The following BIN1 variants were observed in gnomAD, a reference collection of about 807,000 sequenced individuals.
BIN1 encodes myc box-dependent-interacting protein 1.
A neutral mutation model predicts 82.0 loss-of-function variants in BIN1; 53 were observed. That is an observed-to-expected ratio of 0.65 (90% confidence interval 0.52 to 0.81). The LOEUF (loss-of-function observed/expected upper bound fraction) is 0.81, where lower values mean the gene tolerates loss of function less well. Among genes scored for constraint, BIN1 ranks in the 40% least tolerant of loss-of-function variants. The pLI, the probability that BIN1 is intolerant of heterozygous loss-of-function variation, is 0.00. For synonymous variants in BIN1, 302 were observed against 328.0 expected (o/e 0.92, Z 0.86); for missense variants, 642 against 784.4 (o/e 0.82, Z 2.17).
At chr2:127,050,988 C>T (rs1346604899) in intron 16 of BIN1, 76 bp from the exon 17 acceptor site, 20 of 1,529,264 alleles carry the variant, frequency 1.3e-5, no homozygotes, top group Non-Finnish European at 1.6e-5. Context: ...AGAAGAGGGG[C>T]GGGGAGGGGA....
chr2:127,055,236 G>A (rs1465660000), intron 12 of BIN1: 3 of 152,374 alleles, frequency 2.0e-5, no homozygotes, highest in African/African-American at 7.2e-5. Flanking sequence ...GGGCTCCCCA[G>A]AGGCACCTCC....
At chr2:127,074,109 T>G (rs1686283927) in intron 2 of BIN1, among the ~76,000 whole-genome samples, 1 of 152,046 alleles carries the variant, frequency 6.6e-6, no homozygotes, top group Admixed American at 6.6e-5. Context: ...TCCCTTGTAG[T>G]GCTGGGCCCA....
At chr2:127,064,696 C>G (rs936306622) in intron 7 of BIN1, 1 of 163,492 alleles carries the variant, frequency 6.1e-6, no homozygotes, top group African/African-American at 2.4e-5. Flanking sequence ...AGCCAGGCAG[C>G]TGGGCTGTGC....
At chr2:127,104,494 G>A (rs920548096) in intron 1 of BIN1, among the ~76,000 whole-genome samples, 4 of 152,110 alleles carry the variant, frequency 2.6e-5, no homozygotes, top group African/African-American at 2.4e-5. Flanking sequence ...TTCTTCCTAC[G>A]CCAGGACGCC....
rs1687377718 is a variant in BIN1 at position 127,082,146 on chromosome 2, C to T, written c.85-5440G>A. Among the ~76,000 whole-genome samples, 1 of 152,254 alleles carries T rather than the reference C, an allele frequency of 6.6e-6. No individual in the cohort carries two copies. The highest frequency in any genetic ancestry group is 2.1e-4 in the South Asian group (1 of 4,822). ...ACAGGACAAAGGCGAGCCTTCTCCC[C>T]ACCCCCGCCCCCCACCTCTGGGTCC... On this transcript the variant is annotated intron_variant, in intron 1 of 18. Coordinates refer to ENST00000316724, the MANE Select transcript of BIN1 (RefSeq NM_139343.3). This position sits in a 1 kb window ranked among gnomAD's most constrained non-coding sequence, Gnocchi z 6.1.
At chr2:127,081,902 C>T (rs1687342080) in intron 1 of BIN1, 1 of 1,276,818 alleles carries the variant, frequency 7.8e-7, no homozygotes, top group Non-Finnish European at 1.0e-6. Context: ...TGTCTCGCCC[C>T]TTCCTCCCAG....
intron 1 of BIN1, among the ~76,000 whole-genome samples, chr2:127,081,124 C>T (rs1024779379): frequency 5.3e-5 from 8 of 152,208 alleles, no homozygotes; most frequent in Non-Finnish European, 1.0e-4. Flanking sequence ...CAGGCAAGGC[C>T]CTGACCCACA....
chr2:127,087,035 G>T (rs1678264686), intron 1 of BIN1, among the ~76,000 whole-genome samples: 1 of 152,208 alleles, frequency 6.6e-6, no homozygotes, highest in African/African-American at 2.4e-5. Flanking sequence ...CCTCTTTTTG[G>T]TGATTTTCCC....
Position 127,057,334 on chromosome 2 carries a change from C to CAAAGGGTG in BIN1, c.1131+131_1131+138dup, listed in dbSNP as rs1279115427. On this transcript the variant is annotated intron_variant, in intron 12 of 18. Transcript: ENST00000316724. This position sits in a 1 kb window ranked among gnomAD's most constrained non-coding sequence, Gnocchi z 5.0. ...GATGGAGGATGATGGATGGAGGGAA[C>CAAAGGGTG]AAAGGGTGAGAGAGGGAAACTGACA... 4 of 1,207,456 alleles carry CAAAGGGTG rather than the reference C, an allele frequency of 3.3e-6. No individual in the cohort carries two copies. Among genetic ancestry groups the CAAAGGGTG allele is most frequent in the East Asian group, 2.8e-5 (1 of 36,204 alleles). The allele number at this position is 1,207,456 out of a possible 1,614,324, so 74.8% of individuals were successfully genotyped here.
At chr2:127,103,698 C>A (rs1017910591) in intron 1 of BIN1, among the ~76,000 whole-genome samples, 18 of 152,228 alleles carry the variant, frequency 1.2e-4, no homozygotes, top group African/African-American at 4.3e-4. Context: ...TCCTTCTCCC[C>A]AGGCGCCCCA....
At position 127,106,851 on chromosome 2, in the gene BIN1, C is replaced by G; in HGVS notation, c.84+9G>C. ...GACTCCGCGGCTGCTGGGGCTCCGG[C>G]TCGCTCACCTTCTCCTGCGCGCGGG... On this transcript the variant is annotated intron_variant, in intron 1 of 18. Coordinates refer to ENST00000316724, the MANE Select transcript of BIN1 (RefSeq NM_139343.3). 6.3e-7 allele frequency: 1 copy of G among 1,598,208 alleles called. No individual in the cohort carries two copies. The highest frequency in any genetic ancestry group is 8.5e-7 in the Non-Finnish European group (1 of 1,174,348).
In BIN1 at chr2:127,067,068, CAAAAAA is replaced by C. The variant is rs5834162; in HGVS notation, c.612+1089_612+1094del. ...CCAGGGGAACGGAGAGAAACCCGTT[CAAAAAA>C]AAAAAAAAAATAGAAAAAGAAATTG... is the stretch of plus-strand genomic sequence containing the variant. On this transcript the variant is annotated intron_variant, in intron 7 of 18. Transcript: ENST00000316724. This position sits in a 1 kb window ranked among gnomAD's most constrained non-coding sequence, Gnocchi z 4.7. Among the ~76,000 whole-genome samples the C allele has an allele frequency of 8.7e-6, 1 of 115,312 alleles. No homozygotes were observed. Among genetic ancestry groups the C allele is most frequent in the East Asian group, 2.7e-4 (1 of 3,708 alleles). 75.6% of individuals were successfully genotyped at this position (115,312 alleles called of 152,430 possible).
rs566246461 is a variant in BIN1, at chr2:127,063,705, G to A, written c.699-59C>T. ...ACAGGCAGGTCAGGACAGCAACTCA[G>A]AAATACCCACCCACGAGCGACCACA... On this transcript the variant is annotated intron_variant, in intron 8 of 18. Transcript: ENST00000316724. 2.8e-4 allele frequency: 447 copies of A among 1,570,630 alleles called. 2 individuals are homozygous for A. The highest frequency in any genetic ancestry group is 1.3e-3 in the Middle Eastern group (8 of 6,002).
rs1052572807 is a variant in BIN1, at chr2:127,048,193, G to T, written c.*333C>A. On this transcript the variant is annotated 3_prime_UTR_variant, in exon 19 of 19. Coordinates refer to ENST00000316724, the MANE Select transcript of BIN1 (RefSeq NM_139343.3). ...AAAAGAGGACCCTTGCCCGGGTGGC[G>T]CGGCCGAAGCTTCAGGCAAGCATGG... 1 of 375,218 alleles carries T rather than the reference G, an allele frequency of 2.7e-6. No individual in the cohort carries two copies. Among genetic ancestry groups the T allele is most frequent in the African/African-American group, 2.1e-5 (1 of 48,202 alleles). The allele number at this position is 375,218 out of a possible 1,614,324, so 23.2% of individuals were successfully genotyped here.
intron 5 of BIN1, among the ~76,000 whole-genome samples, chr2:127,069,741 C>CAT (rs1460973060): frequency 2.3e-4 from 35 of 151,696 alleles, no homozygotes; most frequent in African/African-American, 8.2e-4. Flanking sequence ...AACACACACA[C>CAT]ACACACACAC....
intron 1 of BIN1, among the ~76,000 whole-genome samples, chr2:127,095,556 T>C (rs2105306481): frequency 6.6e-6 from 1 of 152,312 alleles, no homozygotes; most frequent in Non-Finnish European, 1.5e-5. Flanking sequence ...ACACTGATTT[T>C]CATTTGAAGA....
intron 1 of BIN1, among the ~76,000 whole-genome samples, chr2:127,076,919 A>T (rs1360101392): frequency 6.6e-6 from 1 of 152,044 alleles, no homozygotes; most frequent in Admixed American, 6.5e-5. Flanking sequence ...GGGCTCGACA[A>T]TAGGCCAAAA....
chr2:127,107,063 AC>A lies in BIN1; in HGVS notation c.-121del. On this transcript the variant is annotated 5_prime_UTR_variant, in exon 1 of 19. Coordinates refer to ENST00000316724, the MANE Select transcript of BIN1 (RefSeq NM_139343.3). The surrounding 1 kb of genome is among the most constrained non-coding windows in gnomAD (Gnocchi z 5.9). ...GACCGGCTGCCGCTCCACGCCGCGC[AC>A]CCGACAGCGGAGCCAACTGACGGAG... 9.4e-7 allele frequency: 1 copy of A among 1,067,244 alleles called. No individual in the cohort carries two copies. 66.1% of individuals were successfully genotyped at this position (1,067,244 alleles called of 1,614,324 possible).
At chr2:127,083,097 T>G (rs1687508559) in intron 1 of BIN1, among the ~76,000 whole-genome samples, 1 of 151,936 alleles carries the variant, frequency 6.6e-6, no homozygotes, top group Admixed American at 6.5e-5. Context: ...TTTTTCTTTT[T>G]TTTTGCTTTT....
Sources: gnomAD v4.1 joint callset for allele counts (sites outside exome capture counted in the v4.1 genomes callset) on GRCh38, gnomAD v4.1.1 for gene constraint, Gnocchi (gnomAD v3.1) non-coding constraint, MANE v1.5 for transcripts, NCBI Gene and HGNC (gene_info 2026-07-23, HGNC 2026-07-21) for gene names.